CENPU: variants seen among roughly 807,000 people sequenced by gnomAD.
CENPU encodes centromere protein U, also known as KSHV latent nuclear antigen interacting protein 1.
A neutral mutation model predicts 56.7 loss-of-function variants in CENPU; 46 were observed. The ratio of observed to expected loss-of-function variants is 0.81; its 90% CI spans 0.64 to 1.04. CENPU has a LOEUF of 1.04. CENPU is among the 50% of genes least tolerant of loss of function. The pLI, the probability that CENPU is intolerant of heterozygous loss-of-function variation, is 0.00. For missense variants in CENPU, 510 were observed against 490.1 expected (o/e 1.04, Z -0.38); for synonymous variants, 166 against 163.0 (o/e 1.02, Z -0.14).
intron 11 of CENPU, among the ~76,000 whole-genome samples, chr4:184,699,040 G>T (rs965300597): frequency 7.9e-5 from 12 of 151,968 alleles, no homozygotes; most frequent in African/African-American, 2.9e-4. Flanking sequence ...TTTAAAACAC[G>T]TCTCAGGCTG....
At chr4:184,730,419 G>A (rs1203981269) in intron 2 of CENPU, among the ~76,000 whole-genome samples, 1 of 151,682 alleles carries the variant, frequency 6.6e-6, no homozygotes, top group Non-Finnish European at 1.5e-5. Context: ...CGGGGTGCCT[G>A]GCACTGTCAT....
At chr4:184,733,073 A>C (rs1378222833) in intron 1 of CENPU, among the ~76,000 whole-genome samples, 1 of 152,190 alleles carries the variant, frequency 6.6e-6, no homozygotes, top group Non-Finnish European at 1.5e-5. Context: ...TCTCAAACCC[A>C]AAAATGTTAA....
At chr4:184,696,229 G>A (rs1377945324) in intron 12 of CENPU, among the ~76,000 whole-genome samples, 1 of 152,162 alleles carries the variant, frequency 6.6e-6, no homozygotes, top group Admixed American at 6.5e-5. Flanking sequence ...GCTCCCATGG[G>A]CACCTGCTCT....
intron 4 of CENPU, among the ~76,000 whole-genome samples, chr4:184,724,105 A>G (rs934924814): frequency 1.3e-5 from 2 of 151,740 alleles, no homozygotes; most frequent in African/African-American, 4.8e-5. Context: ...TCTACTAAAA[A>G]TACAAAAAAA....
chr4:184,732,735 G>A (rs371779597), intron 1 of CENPU, among the ~76,000 whole-genome samples: 2 of 152,290 alleles, frequency 1.3e-5, no homozygotes, highest in Non-Finnish European at 1.5e-5. Context: ...CAGGCGCGGT[G>A]GCTCATGCCT....
At chr4:184,708,633 T>C (rs531323329) in intron 8 of CENPU, among the ~76,000 whole-genome samples, 13 of 152,210 alleles carry the variant, frequency 8.5e-5, no homozygotes, top group African/African-American at 3.1e-4. Flanking sequence ...ACACTTGATG[T>C]AAAAGAATAC....
chr4:184,702,052 G>A (rs777364755), intron 10 of CENPU, 37 bp downstream of exon 10: 1 of 1,388,150 alleles, frequency 7.2e-7, no homozygotes, highest in African/African-American at 1.4e-5. Context: ...TTAGTATTGT[G>A]TTTGACTCTA....
At chr4:184,716,051 G>A (rs111344219) in intron 6 of CENPU, among the ~76,000 whole-genome samples, 2 of 151,696 alleles carry the variant, frequency 1.3e-5, no homozygotes, top group African/African-American at 4.8e-5. Context: ...TCCTGCCTCA[G>A]CCTCCTGAGT....
At position 184,699,097 on chromosome 4, in the gene CENPU, G is replaced by A. The variant is rs367829547; in HGVS notation, c.987-1294C>T. Among the ~76,000 whole-genome samples the A allele has an allele frequency of 2.6e-5, 4 of 152,194 alleles. No individual in the cohort carries two copies. In the East Asian group the frequency reaches 7.7e-4, roughly 29 times the overall value. The stretch of plus-strand genomic sequence containing the variant: ...AATCCCAGCACTTTGGGAGGCCAAG[G>A]CAGGCGAATCACGAGGTCAGGAGAT... On this transcript the variant is annotated intron_variant, in intron 11 of 12. Coordinates refer to ENST00000281453, the MANE Select transcript of CENPU (RefSeq NM_024629.4).
At chr4:184,715,742 A>G (rs1255909136) in intron 6 of CENPU, among the ~76,000 whole-genome samples, 3 of 152,250 alleles carry the variant, frequency 2.0e-5, no homozygotes, top group Non-Finnish European at 4.4e-5. Context: ...TTAGTAAGAG[A>G]TTAACTATGG....
At chr4:184,713,241 A>C (rs1760982734) in intron 6 of CENPU, among the ~76,000 whole-genome samples, 1 of 152,022 alleles carries the variant, frequency 6.6e-6, no homozygotes, top group Non-Finnish European at 1.5e-5. Flanking sequence ...AAATACAAAA[A>C]TTGGCAGGGT....
Position 184,734,086 on chromosome 4 carries a change from G to C in CENPU, c.-24C>G. The C allele has an allele frequency of 3.9e-6, 6 of 1,543,364 alleles. No homozygotes were observed. Among genetic ancestry groups the C allele is most frequent in the East Asian group, 2.4e-5 (1 of 40,838 alleles). ...ATGGTGCCGCTCTCCGCTCTCGAGC[G>C]ACTGGAAGCTCCCGCCAAGCCCCTC... On this transcript the variant is annotated 5_prime_UTR_variant, in exon 1 of 13. Coordinates refer to ENST00000281453, the MANE Select transcript of CENPU (RefSeq NM_024629.4).
At chr4:184,706,276 G>T (rs945933346) in intron 8 of CENPU, among the ~76,000 whole-genome samples, 1 of 152,178 alleles carries the variant, frequency 6.6e-6, no homozygotes, top group Non-Finnish European at 1.5e-5. Flanking sequence ...GGCTGAGATG[G>T]GAGGGTCCCC....
At chr4:184,733,776 C>T (rs551982239) in intron 1 of CENPU, among the ~76,000 whole-genome samples, 3 of 152,360 alleles carry the variant, frequency 2.0e-5, no homozygotes, top group South Asian at 4.1e-4. Context: ...CAAAACGACA[C>T]GACACTGGCT....
chr4:184,703,835 C>T (rs937354596), intron 8 of CENPU, among the ~76,000 whole-genome samples: 3 of 152,106 alleles, frequency 2.0e-5, no homozygotes, highest in Admixed American at 6.6e-5. Flanking sequence ...TCTCAGTCAA[C>T]GATGGATGGC....
intron 1 of CENPU, 92 bp from the exon 2 acceptor site, chr4:184,731,060 A>C: frequency 2.0e-6 from 1 of 509,630 alleles, no homozygotes. Flanking sequence ...CATTTTTACC[A>C]AAAAAAAAAA....
rs1579752784 is a variant in CENPU, at chr4:184,697,745, A to G, written c.1045T>C (p.Ser349Pro). 6 of 1,612,884 alleles carry G rather than the reference A, an allele frequency of 3.7e-6. No individual in the cohort carries two copies. The highest frequency in any genetic ancestry group is 5.1e-6 in the Non-Finnish European group (6 of 1,179,470). ...TKYDELKERK[S>P]SLRNAAYFLS... is the part of the protein sequence containing the mutation. Reference sequence around the variant, plus strand: ...AAATATGCTGCATTCCTAAGGGAAGACTTTCTCTCTTTAAGTTCATCATAT... The same window carrying G: ...AAATATGCTGCATTCCTAAGGGAAGGCTTTCTCTCTTTAAGTTCATCATAT... The change falls in exon 12 of 13, where the codon TCT becomes CCT. Residue 349 changes from serine to proline, a missense_variant. Ser to Pro is a moderately conservative substitution (Grantham distance 74). Transcript: ENST00000281453.
At chr4:184,709,218 G>A (rs1181544737) in intron 8 of CENPU, among the ~76,000 whole-genome samples, 1 of 152,200 alleles carries the variant, frequency 6.6e-6, no homozygotes, top group Non-Finnish European at 1.5e-5. Flanking sequence ...GCCGGGTGCA[G>A]TGGCTCACGT....
chr4:184,700,224 G>C (rs1321597815), intron 11 of CENPU, among the ~76,000 whole-genome samples: 1 of 152,252 alleles, frequency 6.6e-6, no homozygotes, highest in Admixed American at 6.5e-5. Flanking sequence ...GCAGGGCCTG[G>C]TAAGTTCACC....
Sources: allele counts gnomAD v4.1 joint callset (sites outside exome capture counted in the v4.1 genomes callset), GRCh38; gene constraint gnomAD v4.1.1; transcripts MANE v1.5; gene names NCBI Gene and HGNC (gene_info 2026-07-23, HGNC 2026-07-21).